The following NFXL1 variants were observed in gnomAD, a reference collection of about 807,000 sequenced individuals.
The protein encoded by NFXL1 is nuclear transcription factor, X-box binding like 1.
A neutral mutation model predicts 123.3 loss-of-function variants in NFXL1; 66 were observed. The observed-to-expected ratio is 0.54, with a 90% CI of 0.44 to 0.66. The LOEUF is 0.66. NFXL1 is among the 30% of genes least tolerant of loss of function. The pLI, the probability that NFXL1 is intolerant of heterozygous loss-of-function variation, is 0.00. For missense variants in NFXL1, 944 were observed against 1,125.6 expected (o/e 0.84, Z 2.31); for synonymous variants, 346 against 360.8 (o/e 0.96, Z 0.46).
chr4:47,910,761 C>T, intron 3 of NFXL1, 63 bp downstream of exon 3: 1 of 1,058,216 alleles, frequency 9.4e-7, no homozygotes, highest in Non-Finnish European at 1.4e-6. Context: ...AAAGGCATTA[C>T]CAAAAAAATG....
At chr4:47,859,637 T>TC (rs1200598232) in intron 19 of NFXL1, among the ~76,000 whole-genome samples, 1 of 151,822 alleles carries the variant, frequency 6.6e-6, no homozygotes. Flanking sequence ...GTTCAGGGGT[T>TC]CAAGACCAGC....
intron 18 of NFXL1, among the ~76,000 whole-genome samples, chr4:47,864,924 A>C (rs1347576043): frequency 6.6e-6 from 1 of 152,212 alleles, no homozygotes; most frequent in Non-Finnish European, 1.5e-5. Flanking sequence ...GTGAACCTAA[A>C]CTTGAAGCCG....
In NFXL1 at chr4:47,896,563, G is replaced by GA; in HGVS notation, c.1288dup (p.Ser430PhefsTer10). ...ACAGGGACCTCGGTGACAACGCTGT[G>GA]AACATCTATGGATTCCGCATTCAAG... is the stretch of plus-strand genomic sequence containing the variant. On this transcript the variant is annotated frameshift_variant, in exon 10 of 23. Transcript: ENST00000507489. LOFTEE classifies it high-confidence loss of function. The GA allele has an allele frequency of 6.2e-7, 1 of 1,613,250 alleles. No homozygotes were observed. The highest frequency in any genetic ancestry group is 1.1e-5 in the South Asian group (1 of 91,046).
In NFXL1 at chr4:47,885,480, A is replaced by C. The variant is rs748237040; in HGVS notation, c.1824+18T>G. ...CCCACAGCAATGCACTATTTCTCTAATAGTATTATTCCCTTACCCTGCCAG... is the reference window on the plus strand; with the variant it reads ...CCCACAGCAATGCACTATTTCTCTACTAGTATTATTCCCTTACCCTGCCAG... On this transcript the variant is annotated intron_variant, in intron 14 of 22. Transcript: ENST00000507489. 7 of 1,589,240 alleles carry C rather than the reference A, an allele frequency of 4.4e-6. No individual in the cohort carries two copies. The South Asian group carries it at 7.9e-5, about 18-fold the overall frequency.
rs549033473 is a variant in NFXL1, at chr4:47,868,358, G to A, written c.2247-5443C>T. Among the ~76,000 whole-genome samples, 9 of 150,370 alleles carry A rather than the reference G, an allele frequency of 6.0e-5. No homozygotes were observed. The South Asian group carries it at 1.7e-3, about 28-fold the overall frequency. On this transcript the variant is annotated intron_variant, in intron 18 of 22. Coordinates refer to ENST00000507489, the MANE Select transcript of NFXL1 (RefSeq NM_001278624.2). ...TAGAAAAGAAAAAGAAAAAAAGGTC[G>A]GAATGGGGGTAGAATAATATATAAA...
chr4:47,861,440 T>C (rs1375954317), intron 19 of NFXL1, among the ~76,000 whole-genome samples: 1 of 152,174 alleles, frequency 6.6e-6, no homozygotes, highest in African/African-American at 2.4e-5. Flanking sequence ...AAATGACCCA[T>C]CTAGTCCCAC....
chr4:47,908,220 G>A (rs920679543), intron 3 of NFXL1, among the ~76,000 whole-genome samples: 1 of 152,146 alleles, frequency 6.6e-6, no homozygotes, highest in East Asian at 1.9e-4. Flanking sequence ...AGGAATTCAA[G>A]ACCAGCCTTG....
At chr4:47,907,818 A>C in intron 3 of NFXL1, among the ~76,000 whole-genome samples, 1 of 152,232 alleles carries the variant, frequency 6.6e-6, no homozygotes, top group East Asian at 1.9e-4. Context: ...AAATGACTCT[A>C]TCTAGAATGG....
intron 10 of NFXL1, among the ~76,000 whole-genome samples, chr4:47,895,279 T>A (rs1310689968): frequency 6.6e-6 from 1 of 152,140 alleles, no homozygotes; most frequent in African/African-American, 2.4e-5. Context: ...GAGCACTGGC[T>A]TCGATTTAAA....
chr4:47,884,675 C>T (rs939357898), intron 14 of NFXL1, among the ~76,000 whole-genome samples: 2 of 152,074 alleles, frequency 1.3e-5, no homozygotes, highest in Non-Finnish European at 2.9e-5. Context: ...AATGGTAGAA[C>T]AAAGGCAGTG....
chr4:47,898,464 T>C (rs1737218620), intron 8 of NFXL1, among the ~76,000 whole-genome samples: 2 of 152,058 alleles, frequency 1.3e-5, no homozygotes, highest in African/African-American at 4.8e-5. Context: ...GGAGGCGTGC[T>C]GGTTGAAGAG....
chr4:47,861,723 A>T (rs1734781147), intron 19 of NFXL1, among the ~76,000 whole-genome samples: 1 of 152,236 alleles, frequency 6.6e-6, no homozygotes, highest in African/African-American at 2.4e-5. Context: ...CAGGATTATT[A>T]AAACAACCAT....
At chr4:47,857,041 A>G (rs1734454431) in intron 19 of NFXL1, among the ~76,000 whole-genome samples, 2 of 152,216 alleles carry the variant, frequency 1.3e-5, no homozygotes, top group African/African-American at 2.4e-5. Context: ...AGGTAATTAC[A>G]TTAGTCATTT....
intron 18 of NFXL1, 91 bp from the exon 19 acceptor site, chr4:47,863,006 T>TA: frequency 1.4e-6 from 1 of 711,242 alleles, no homozygotes; most frequent in East Asian, 2.6e-5. Context: ...AACATATCCA[T>TA]AAAATTATCT....
chr4:47,865,373 C>G (rs1734993040), intron 18 of NFXL1, among the ~76,000 whole-genome samples: 1 of 151,528 alleles, frequency 6.6e-6, no homozygotes, highest in African/African-American at 2.4e-5. Flanking sequence ...CAAATATATC[C>G]ACATGTCCCC....
intron 2 of NFXL1, among the ~76,000 whole-genome samples, chr4:47,912,788 T>TGGA (rs1737901006): frequency 7.3e-6 from 1 of 136,548 alleles, no homozygotes; most frequent in African/African-American, 2.7e-5. Flanking sequence ...ACCCACGAGA[T>TGGA]GGAGACCATC....
intron 22 of NFXL1, among the ~76,000 whole-genome samples, chr4:47,848,829 C>T (rs1733958087): frequency 6.6e-6 from 1 of 152,066 alleles, no homozygotes; most frequent in Admixed American, 6.6e-5. Flanking sequence ...GCAGAGCTTG[C>T]AGTGAGCCGA....
chr4:47,907,996 T>C (rs2110107707), intron 3 of NFXL1, among the ~76,000 whole-genome samples: 1 of 152,298 alleles, frequency 6.6e-6, no homozygotes, highest in South Asian at 2.1e-4. Flanking sequence ...GCAGATATGG[T>C]AAATTCCTTA....
chr4:47,852,607 T>C (rs1734186450), intron 20 of NFXL1, among the ~76,000 whole-genome samples: 1 of 152,078 alleles, frequency 6.6e-6, no homozygotes, highest in African/African-American at 2.4e-5. Context: ...GGCACTTCAC[T>C]ACCTCCTTAA....
Sources: allele counts gnomAD v4.1 joint callset (sites outside exome capture counted in the v4.1 genomes callset), GRCh38; gene constraint gnomAD v4.1.1; transcripts MANE v1.5; gene names NCBI Gene and HGNC (gene_info 2026-07-23, HGNC 2026-07-21).